CRACR2A: variants seen among roughly 807,000 people sequenced by gnomAD.
CRACR2A encodes the protein calcium release activated channel regulator 2A, also known as EF-hand calcium-binding domain-containing protein 4B.
A neutral mutation model predicts 90.5 loss-of-function variants in CRACR2A; 79 were observed. The ratio of observed to expected loss-of-function variants is 0.87; its 90% CI spans 0.73 to 1.05. The LOEUF (loss-of-function observed/expected upper bound fraction) is 1.05. CRACR2A is among the 50% of genes least tolerant of loss of function. The probability of loss-of-function intolerance (pLI) is 0.00; values close to 1 mark genes in which losing one functional copy is unlikely to be tolerated. For synonymous variants in CRACR2A, 338 were observed against 356.7 expected, an observed-to-expected ratio of 0.95 and a Z score of 0.59; for missense variants, 823 against 897.2, an observed-to-expected ratio of 0.92 and a Z score of 1.06.
At chr12:3,662,560 A>T (rs1012362218) in intron 7 of CRACR2A, among the ~76,000 whole-genome samples, 1 of 152,222 alleles carries the variant, frequency 6.6e-6, no homozygotes, top group Non-Finnish European at 1.5e-5. Flanking sequence ...TTAATCATGG[A>T]CTGTGGAGGA....
At chr12:3,675,848 G>A (rs1945327047) in intron 6 of CRACR2A, among the ~76,000 whole-genome samples, 1 of 152,064 alleles carries the variant, frequency 6.6e-6, no homozygotes, top group Non-Finnish European at 1.5e-5. Context: ...TTGTGCTTGC[G>A]TTATTAAGCA....
chr12:3,707,434 G>C (rs1945944223), intron 3 of CRACR2A, among the ~76,000 whole-genome samples: 1 of 152,218 alleles, frequency 6.6e-6, no homozygotes, highest in East Asian at 1.9e-4. Context: ...GATGGTTGCT[G>C]TTCACCCTAA....
At chr12:3,720,192 GGGGA>G (rs1209999797) in intron 2 of CRACR2A, among the ~76,000 whole-genome samples, 34 of 107,532 alleles carry the variant, frequency 3.2e-4, no homozygotes, top group African/African-American at 6.5e-4. Context: ...CGGGAGGGAG[GGGGA>G]GGGAGGGAGG....
chr12:3,683,464 G>A (rs763819439), intron 4 of CRACR2A, among the ~76,000 whole-genome samples: 3 of 152,108 alleles, frequency 2.0e-5, no homozygotes, highest in Admixed American at 6.5e-5. Context: ...CTTCCTATTC[G>A]TACTGCCCAT....
chr12:3,705,015 C>T (rs1288533153), intron 3 of CRACR2A, among the ~76,000 whole-genome samples: 1 of 152,198 alleles, frequency 6.6e-6, no homozygotes, highest in Admixed American at 6.5e-5. Flanking sequence ...GCTCGGCTGT[C>T]TCCCATTTGG....
chr12:3,624,803 C>T lies in CRACR2A; in HGVS notation c.1932+2633G>A, dbSNP rs528483987. ...AACACAGAATCTCAGACCCCAGTCC[C>T]GACCTGCTGAAGCAGAGACTGCATT... On this transcript the variant is annotated intron_variant, in intron 17 of 19. Coordinates refer to ENST00000440314, the MANE Select transcript of CRACR2A (RefSeq NM_001144958.2). Among the ~76,000 whole-genome samples, 12 of 152,348 alleles carry T rather than the reference C, an allele frequency of 7.9e-5. No homozygotes were observed. In the East Asian group the frequency reaches 9.6e-4, roughly 12 times the overall value.
At chr12:3,722,564 A>C (rs947562383) in intron 2 of CRACR2A, among the ~76,000 whole-genome samples, 12 of 152,278 alleles carry the variant, frequency 7.9e-5, no homozygotes, top group African/African-American at 2.9e-4. Context: ...TGGAGGTAGC[A>C]CTTACAGCTG....
chr12:3,656,013 CA>C (rs1394178130), intron 9 of CRACR2A, among the ~76,000 whole-genome samples: 2 of 152,140 alleles, frequency 1.3e-5, no homozygotes, highest in African/African-American at 2.4e-5. Flanking sequence ...AGGCAGGAAA[CA>C]AATTCAAATT....
At chr12:3,736,144 G>A (rs1946445887) in intron 1 of CRACR2A, among the ~76,000 whole-genome samples, 1 of 151,992 alleles carries the variant, frequency 6.6e-6, no homozygotes, top group Admixed American at 6.6e-5. Flanking sequence ...ACTAGATGGG[G>A]AAGAAGATGG....
Position 3,615,385 on chromosome 12 carries a change from G to T in CRACR2A, c.2166C>A (p.His722Gln). The T allele has an allele frequency of 6.4e-7, 1 of 1,551,620 alleles. No individual in the cohort carries two copies. Among genetic ancestry groups the T allele is most frequent in the Non-Finnish European group, 8.7e-7 (1 of 1,146,928 alleles). Residue 722 changes from histidine (H) to glutamine (Q), a missense_variant, in exon 20 of 20, where the codon CAC becomes CAA. Physicochemically the swap from His to Gln is conservative, Grantham distance 24. Coordinates refer to ENST00000440314, the MANE Select transcript of CRACR2A (RefSeq NM_001144958.2). The part of the protein sequence containing the change: ...TVREDTIQVG[H>Q]PAKKKSCCG ...CACAGCAGGATTTCTTCTTAGCAGG[G>T]TGGCCGACCTGAATGGTGTCCTCTC...
rs67579259 is a variant in CRACR2A, at chr12:3,710,806, G to A, written c.-37+2431C>T. On this transcript the variant is annotated intron_variant, in intron 3 of 19. Coordinates refer to ENST00000440314, the MANE Select transcript of CRACR2A (RefSeq NM_001144958.2). ...GGCTCCACCGCAAAAAAAAAAAAAA[G>A]AAAGAAAGAAAGAAAGAAAGATGGG... Among the ~76,000 whole-genome samples, 1,030 of 145,896 alleles carry A rather than the reference G, an allele frequency of 7.1e-3. 9 individuals carry two copies. Among genetic ancestry groups the A allele is most frequent in the African/African-American group, 0.024 (958 of 39,836 alleles).
At position 3,648,573 on chromosome 12, in the gene CRACR2A, C is replaced by G; in HGVS notation, c.1087G>C (p.Ala363Pro). The change falls in exon 11 of 20, where the codon GCC becomes CCC. Residue 363 changes from alanine (A) to proline (P), a missense_variant. Coordinates refer to ENST00000440314, the MANE Select transcript of CRACR2A (RefSeq NM_001144958.2). ...RVTESLQREK[A>P]GLLKQLDFLR... ...AAATCCAGCTGCTTGAGGAGCCCGGCCTTCTCACGCTGTAGACTCTCCGTC... is the reference window on the plus strand; with the variant it reads ...AAATCCAGCTGCTTGAGGAGCCCGGGCTTCTCACGCTGTAGACTCTCCGTC... 1.2e-6 allele frequency: 2 copies of G among 1,614,168 alleles called. No homozygotes were observed. The highest frequency in any genetic ancestry group is 1.1e-5 in the South Asian group (1 of 91,076).
At chr12:3,661,399 G>A (rs116620304) in intron 7 of CRACR2A, among the ~76,000 whole-genome samples, 60 of 152,232 alleles carry the variant, frequency 3.9e-4, no homozygotes, top group African/African-American at 1.2e-3. Context: ...GTACAGTAAC[G>A]GTCCAGGGTG....
intron 9 of CRACR2A, among the ~76,000 whole-genome samples, chr12:3,654,816 C>T (rs2137467664): frequency 6.6e-6 from 1 of 152,324 alleles, no homozygotes; most frequent in African/African-American, 2.4e-5. Context: ...CTTCATAAAA[C>T]CATCCTTCCC....
intron 17 of CRACR2A, among the ~76,000 whole-genome samples, chr12:3,621,315 T>C (rs1279632374): frequency 6.6e-6 from 1 of 151,664 alleles, no homozygotes; most frequent in Non-Finnish European, 1.5e-5. Context: ...GAATGGGTCA[T>C]AAGCCCAACA....
intron 7 of CRACR2A, among the ~76,000 whole-genome samples, chr12:3,663,932 C>T (rs1327003975): frequency 2.6e-5 from 4 of 152,190 alleles, no homozygotes; most frequent in Admixed American, 2.6e-4. Context: ...GCGTTTTGAA[C>T]ACACAGCAAC....
chr12:3,653,217 GTA>G (rs879690248), intron 10 of CRACR2A, among the ~76,000 whole-genome samples: 2,107 of 150,560 alleles, frequency 0.014, 28 homozygotes, highest in Non-Finnish European at 0.023. Context: ...TCCTGACCTT[GTA>G]ATCTGCCCAC....
In CRACR2A at chr12:3,668,381, G is replaced by A. The variant is rs1350744477; in HGVS notation, c.671+5065C>T. Among the ~76,000 whole-genome samples, 7 of 152,240 alleles carry A rather than the reference G, an allele frequency of 4.6e-5. No homozygotes were observed. The South Asian group carries it at 6.2e-4, about 14-fold the overall frequency. Reference sequence around the variant, plus strand: ...GCCTGGGATGTGTGTTATGGTGCACGTTCCTGGGCCCCTTCCCTGAGACGC... The same window carrying A: ...GCCTGGGATGTGTGTTATGGTGCACATTCCTGGGCCCCTTCCCTGAGACGC... On this transcript the variant is annotated intron_variant, in intron 7 of 19. Transcript: ENST00000440314.
chr12:3,680,616 TTATC>T (rs376772465), intron 4 of CRACR2A, among the ~76,000 whole-genome samples: 359 of 152,342 alleles, frequency 2.4e-3, no homozygotes, highest in African/African-American at 7.2e-3. Context: ...ATGCATTTAT[TTATC>T]TATCTGCATT....
Sources: gnomAD v4.1 joint callset for allele counts (sites outside exome capture counted in the v4.1 genomes callset) on GRCh38, gnomAD v4.1.1 for gene constraint, MANE v1.5 for transcripts, NCBI Gene and HGNC (gene_info 2026-07-23, HGNC 2026-07-21) for gene names.